The following RALGAPA1 variants were observed in gnomAD, a reference collection of about 807,000 sequenced individuals.
The protein encoded by RALGAPA1 is ral GTPase-activating protein subunit alpha-1.
A neutral mutation model predicts 269.6 loss-of-function variants in RALGAPA1; 52 were observed. That is an observed-to-expected ratio of 0.19 (90% CI 0.15 to 0.24). The LOEUF (loss-of-function observed/expected upper bound fraction) is 0.24. Among genes scored for constraint, RALGAPA1 ranks in the 10% least tolerant of loss-of-function variants. RALGAPA1 has a pLI of 1.00. For missense variants in RALGAPA1, 1,917 were observed against 3,013.9 expected (o/e 0.64, Z 8.52); for synonymous variants, 817 against 1,008.3 (o/e 0.81, Z 3.60).
chr14:35,634,303 T>C (rs1210150037), intron 33 of RALGAPA1, among the ~76,000 whole-genome samples: 2 of 152,104 alleles, frequency 1.3e-5, no homozygotes, highest in South Asian at 4.1e-4. Flanking sequence ...TTCCAAAAGG[T>C]GAAAAAATCC....
In RALGAPA1 at chr14:35,775,831, T is replaced by A. The variant is rs1231775680; in HGVS notation, c.107-86A>T. The A allele has an allele frequency of 2.4e-6, 3 of 1,252,656 alleles. No homozygotes were observed. In the African/African-American group the frequency reaches 4.7e-5, roughly 20 times the overall value. The allele number at this position is 1,252,656 out of a possible 1,614,324, so 77.6% of individuals were successfully genotyped here. ...ATTCAGCGACAAGTTTCCTTCAAAG[T>A]CAAAGAACTGCTCCTAAAATTCTAT... On this transcript the variant is annotated intron_variant, in intron 1 of 41. Coordinates refer to ENST00000680220, the MANE Select transcript of RALGAPA1 (RefSeq NM_001346249.2).
At chr14:35,649,685 T>C (rs1475676267) in intron 31 of RALGAPA1, among the ~76,000 whole-genome samples, 1 of 152,220 alleles carries the variant, frequency 6.6e-6, no homozygotes, top group Non-Finnish European at 1.5e-5. Context: ...GAATTTTTCC[T>C]AAATATGCCT....
intron 4 of RALGAPA1, among the ~76,000 whole-genome samples, chr14:35,764,509 T>C (rs957450207): frequency 3.9e-5 from 6 of 152,138 alleles, no homozygotes; most frequent in Non-Finnish European, 8.8e-5. Flanking sequence ...GGGGAGGTGG[T>C]ATCTTCTGAT....
At chr14:35,658,454 A>G (rs1211318223) in intron 28 of RALGAPA1, among the ~76,000 whole-genome samples, 2 of 152,112 alleles carry the variant, frequency 1.3e-5, no homozygotes, top group Non-Finnish European at 2.9e-5. Flanking sequence ...TCTGAGGAGT[A>G]GTAGCACAGA....
In RALGAPA1 at chr14:35,554,194, TAA is replaced by T. The variant is rs770431715; in HGVS notation, c.7497-4962_7497-4961del. ...ATTAGAGTAAATTATTCAATACTCATAAAGTTTGTAAGGTTGGTAGCCTGAAA... is the reference window on the plus strand; with the variant it reads ...ATTAGAGTAAATTATTCAATACTCATAGTTTGTAAGGTTGGTAGCCTGAAA... On this transcript the variant is annotated intron_variant, in intron 39 of 41. Transcript: ENST00000680220. Among the ~76,000 whole-genome samples, 21 of 152,138 alleles carry T rather than the reference TAA, an allele frequency of 1.4e-4. No individual in the cohort carries two copies. The East Asian group carries it at 1.5e-3, about 11-fold the overall frequency.
intron 6 of RALGAPA1, 52 bp downstream of exon 6, chr14:35,760,777 G>C: frequency 7.5e-7 from 1 of 1,333,612 alleles, no homozygotes; most frequent in Admixed American, 1.9e-5. Context: ...TACACTAAGA[G>C]ACTACATAGA....
At chr14:35,611,115 A>C (rs1027320787) in intron 35 of RALGAPA1, among the ~76,000 whole-genome samples, 4 of 152,146 alleles carry the variant, frequency 2.6e-5, no homozygotes, top group Non-Finnish European at 4.4e-5. Flanking sequence ...AGAAATTGGC[A>C]AGCTTGGCTG....
chr14:35,715,731 A>G (rs1393900898), intron 16 of RALGAPA1: 1 of 985,298 alleles, frequency 1.0e-6, no homozygotes, highest in Non-Finnish European at 1.2e-6. Context: ...TATCCTTCTC[A>G]AGATAACCAA....
intron 32 of RALGAPA1, 83 bp downstream of exon 32, chr14:35,635,381 A>G (rs2061603556): frequency 7.2e-7 from 1 of 1,382,236 alleles, no homozygotes; most frequent in Admixed American, 2.9e-5. Flanking sequence ...TAAAAGAATA[A>G]AAATGTTATA....
At chr14:35,685,552 G>A (rs1057017726) in intron 19 of RALGAPA1, among the ~76,000 whole-genome samples, 4 of 152,042 alleles carry the variant, frequency 2.6e-5, no homozygotes, top group African/African-American at 4.8e-5. Context: ...AGAAAGGGGC[G>A]GGGTATATAA....
At chr14:35,693,919 C>T (rs1412115189) in intron 17 of RALGAPA1, among the ~76,000 whole-genome samples, 2 of 151,872 alleles carry the variant, frequency 1.3e-5, no homozygotes, top group Non-Finnish European at 1.5e-5. Context: ...GAAAGCTGTA[C>T]ATTAAAGTAT....
intron 1 of RALGAPA1, among the ~76,000 whole-genome samples, chr14:35,805,969 T>C (rs750987003): frequency 6.6e-6 from 1 of 152,196 alleles, no homozygotes; most frequent in Non-Finnish European, 1.5e-5. Flanking sequence ...ATTACAGGCA[T>C]GAGCTACCGC....
intron 31 of RALGAPA1, among the ~76,000 whole-genome samples, chr14:35,639,500 GGACA>G (rs1432511402): frequency 4.6e-5 from 7 of 151,974 alleles, no homozygotes; most frequent in African/African-American, 1.7e-4. Flanking sequence ...ACATTCTAAA[GGACA>G]GACCATATGT....
At chr14:35,747,250 G>C (rs907050371) in intron 10 of RALGAPA1, among the ~76,000 whole-genome samples, 1 of 152,178 alleles carries the variant, frequency 6.6e-6, no homozygotes, top group African/African-American at 2.4e-5. Flanking sequence ...AGGATTATAA[G>C]AGGATGTGAT....
intron 7 of RALGAPA1, among the ~76,000 whole-genome samples, chr14:35,752,369 G>A (rs2072797255): frequency 6.6e-6 from 1 of 152,142 alleles, no homozygotes; most frequent in African/African-American, 2.4e-5. Flanking sequence ...AACCTTAGAA[G>A]TATGCTTCAA....
chr14:35,614,913 A>G (rs961219121), intron 35 of RALGAPA1, among the ~76,000 whole-genome samples: 1 of 152,118 alleles, frequency 6.6e-6, no homozygotes, highest in East Asian at 1.9e-4. Context: ...AGGTGAGAGA[A>G]GTATATGTGC....
chr14:35,746,354 C>T (rs1215468486), intron 10 of RALGAPA1, among the ~76,000 whole-genome samples: 3 of 152,090 alleles, frequency 2.0e-5, no homozygotes, highest in Admixed American at 1.3e-4. Context: ...AGTTAATAAT[C>T]CCATATTTTA....
In RALGAPA1 at chr14:35,570,630, A is replaced by G. The variant is rs1306906564; in HGVS notation, c.7483T>C (p.Leu2495=). ...AAAAAAGGATACAAGTTTTGATACA[A>G]TGGAATCAGAGATTTCAGAGCACGG... The part of the protein sequence containing the change: ...ASRALKSLIP[L]YQNFYEERAR... Residue 2495 remains leucine (L), a synonymous_variant, in exon 39 of 42, where the codon TTG becomes CTG. Coordinates refer to ENST00000680220, the MANE Select transcript of RALGAPA1 (RefSeq NM_001346249.2). 1 of 1,604,452 alleles carries G rather than the reference A, an allele frequency of 6.2e-7. No homozygotes were observed. The highest frequency in any genetic ancestry group is 1.1e-5 in the South Asian group (1 of 88,526).
intron 1 of RALGAPA1, among the ~76,000 whole-genome samples, chr14:35,802,191 C>A (rs1367835092): frequency 6.6e-6 from 1 of 152,080 alleles, no homozygotes; most frequent in Admixed American, 6.6e-5. Flanking sequence ...GCCTGTAATC[C>A]CAGCCACTCA....
Sources: gnomAD v4.1 joint callset for allele counts (sites outside exome capture counted in the v4.1 genomes callset) on GRCh38, gnomAD v4.1.1 for gene constraint, MANE v1.5 for transcripts, NCBI Gene and HGNC (gene_info 2026-07-23, HGNC 2026-07-21) for gene names.